EPHA3: variants seen among roughly 807,000 people sequenced by gnomAD.
The protein encoded by EPHA3 is ephrin type-A receptor 3.
In EPHA3, 42 loss-of-function variants were observed where a neutral mutation model predicts 107.1. That is an observed-to-expected ratio of 0.39 (90% CI 0.31 to 0.51). EPHA3 has a LOEUF of 0.51. Among genes scored for constraint, EPHA3 ranks in the 20% least tolerant of loss-of-function variants. EPHA3 has a pLI of 0.78. For missense variants in EPHA3, 1,183 were observed against 1,211.2 expected, an observed-to-expected ratio of 0.98 and a Z score of 0.35; for synonymous variants, 461 against 424.8, an observed-to-expected ratio of 1.09 and a Z score of -1.05.
At chr3:89,267,042 C>T (rs1705554184) in intron 3 of EPHA3, among the ~76,000 whole-genome samples, 1 of 152,028 alleles carries the variant, frequency 6.6e-6, no homozygotes, top group Admixed American at 6.6e-5. Context: ...TGCTTGGATG[C>T]ATTTTTCCTC....
intron 3 of EPHA3, among the ~76,000 whole-genome samples, chr3:89,228,412 C>A (rs1212304305): frequency 1.3e-5 from 2 of 151,904 alleles, no homozygotes; most frequent in Non-Finnish European, 2.9e-5. Context: ...TAAATATAGT[C>A]TATCTACAAC....
intron 2 of EPHA3, among the ~76,000 whole-genome samples, chr3:89,170,891 AATAGAAGATGTTTACAGC>A (rs1705196361): frequency 6.6e-6 from 1 of 152,024 alleles, no homozygotes; most frequent in Non-Finnish European, 1.5e-5. Flanking sequence ...TGGATCGTTA[AATAGAAGATGTTTACAGC>A]ATGAAGAGCA....
intron 5 of EPHA3, among the ~76,000 whole-genome samples, chr3:89,364,638 T>G (rs978260033): frequency 4.0e-5 from 6 of 151,174 alleles, no homozygotes; most frequent in Middle Eastern, 3.2e-3. Flanking sequence ...ATACTAATAT[T>G]ATCTTGGCCT....
At position 89,237,133 on chromosome 3, in the gene EPHA3, G is replaced by A. The variant is rs562143591; in HGVS notation, c.814+26613G>A. 3.3e-5 allele frequency among the ~76,000 whole-genome samples: 5 copies of A among 152,232 alleles called. No individual in the cohort carries two copies. The South Asian group carries it at 6.2e-4, about 19-fold the overall frequency. ...TCCCAGCACTTTGGGAGGCCAAGGC[G>A]GTTGGATCACTTGAGGCCACGAGTT... On this transcript the variant is annotated intron_variant, in intron 3 of 16. Transcript: ENST00000336596.
intron 10 of EPHA3, 47 bp downstream of exon 10, chr3:89,413,313 C>T (rs750606489): frequency 5.6e-6 from 9 of 1,607,222 alleles, no homozygotes; most frequent in East Asian, 4.5e-5. Context: ...ATGTGAATCA[C>T]GATTGCTCAG....
At position 89,482,115 on chromosome 3, in the gene EPHA3, A is replaced by G. The variant is rs1248094520; in HGVS notation, c.*2613A>G. On this transcript the variant is annotated 3_prime_UTR_variant, in exon 17 of 17. Transcript: ENST00000336596. ...TATTTTTATAATAAACATAATGAAA[A>G]TATTTTTTACAGATTGGAATACAGA... The G allele has an allele frequency of 1.0e-5, 2 of 200,980 alleles. No homozygotes were observed. Among genetic ancestry groups the G allele is most frequent in the African/African-American group, 2.3e-5 (1 of 43,616 alleles). 12.4% of individuals were successfully genotyped at this position (200,980 alleles called of 1,614,324 possible).
chr3:89,299,822 A>C (rs899441014), intron 3 of EPHA3, among the ~76,000 whole-genome samples: 1 of 152,032 alleles, frequency 6.6e-6, no homozygotes, highest in Admixed American at 6.6e-5. Flanking sequence ...AGGAAAATAT[A>C]GTTGATTTGT....
intron 1 of EPHA3, among the ~76,000 whole-genome samples, chr3:89,111,610 C>T (rs1707112312): frequency 6.6e-6 from 1 of 151,086 alleles, no homozygotes; most frequent in Non-Finnish European, 1.5e-5. Context: ...AACACTTGAC[C>T]TAGGTCATTA....
chr3:89,138,529 G>GT, intron 2 of EPHA3, among the ~76,000 whole-genome samples: 2 of 152,020 alleles, frequency 1.3e-5, no homozygotes, highest in South Asian at 4.1e-4. Flanking sequence ...ACTATTAACT[G>GT]TTCCTAGAGT....
chr3:89,116,876 T>C (rs1338279669), intron 1 of EPHA3, among the ~76,000 whole-genome samples: 1 of 152,138 alleles, frequency 6.6e-6, no homozygotes, highest in Non-Finnish European at 1.5e-5. Flanking sequence ...CTCATTTTCC[T>C]GTTATTTGAT....
intron 3 of EPHA3, among the ~76,000 whole-genome samples, chr3:89,331,371 T>C (rs1173436800): frequency 1.3e-5 from 2 of 152,154 alleles, no homozygotes; most frequent in Non-Finnish European, 2.9e-5. Flanking sequence ...CCTGTAAAAA[T>C]ATTATGAGCA....
chr3:89,140,493 A>G (rs1704409621), intron 2 of EPHA3, among the ~76,000 whole-genome samples: 1 of 151,806 alleles, frequency 6.6e-6, no homozygotes, highest in African/African-American at 2.4e-5. Flanking sequence ...ATTGGATAAT[A>G]TAAATTAGAG....
intron 3 of EPHA3, among the ~76,000 whole-genome samples, chr3:89,300,467 A>G (rs9809011): frequency 0.51 from 77,536 of 151,806 alleles, 21,139 homozygotes; most frequent in African/African-American, 0.71. Flanking sequence ...ACATACAAAT[A>G]AACACACAAA....
At chr3:89,137,560 A>G (rs1484949605) in intron 2 of EPHA3, among the ~76,000 whole-genome samples, 2 of 152,010 alleles carry the variant, frequency 1.3e-5, no homozygotes, top group Non-Finnish European at 2.9e-5. Flanking sequence ...TGATGTATAC[A>G]ACATAAACCA....
chr3:89,393,496 C>G (rs1182357541), intron 5 of EPHA3, among the ~76,000 whole-genome samples: 1 of 152,118 alleles, frequency 6.6e-6, no homozygotes, highest in Non-Finnish European at 1.5e-5. Context: ...ATTTTCAAAA[C>G]TTCTTTGAAA....
Position 89,479,609 on chromosome 3 carries a change from C to T in EPHA3, c.*107C>T. 1.3e-6 allele frequency: 1 copy of T among 776,744 alleles called. No individual in the cohort carries two copies. Among genetic ancestry groups the T allele is most frequent in the South Asian group, 1.7e-5 (1 of 60,034 alleles). 48.1% of individuals were successfully genotyped at this position (776,744 alleles called of 1,614,324 possible). On this transcript the variant is annotated 3_prime_UTR_variant, in exon 17 of 17. Coordinates refer to ENST00000336596, the MANE Select transcript of EPHA3 (RefSeq NM_005233.6). ...GAGATACTGGTGGAAGTTCCAAGTC[C>T]AATAAGACACTCAAATATGAGTACA...
intron 11 of EPHA3, among the ~76,000 whole-genome samples, chr3:89,423,429 C>G (rs1709392473): frequency 6.6e-6 from 1 of 151,284 alleles, no homozygotes; most frequent in African/African-American, 2.4e-5. Flanking sequence ...GTTTGTTTCT[C>G]TCTAAAAATA....
At chr3:89,307,562 A>ATC (rs1234165553) in intron 3 of EPHA3, among the ~76,000 whole-genome samples, 2 of 152,070 alleles carry the variant, frequency 1.3e-5, no homozygotes, top group African/African-American at 4.8e-5. Context: ...GATTAGGATC[A>ATC]TCTCTCTCTC....
At chr3:89,299,661 G>T (rs1706438177) in intron 3 of EPHA3, among the ~76,000 whole-genome samples, 2 of 152,064 alleles carry the variant, frequency 1.3e-5, no homozygotes, top group African/African-American at 2.4e-5. Context: ...TTCTATCCAA[G>T]ATGATAGGAA....
Sources: gnomAD v4.1 joint callset for allele counts (sites outside exome capture counted in the v4.1 genomes callset) on GRCh38, gnomAD v4.1.1 for gene constraint, MANE v1.5 for transcripts, NCBI Gene and HGNC (gene_info 2026-07-23, HGNC 2026-07-21) for gene names.